Variants in MRPS27 observed in about 807,000 individuals in gnomAD.
The protein encoded by MRPS27 is mitochondrial ribosomal protein S27.
A neutral mutation model predicts 48.9 loss-of-function variants in MRPS27; 43 were observed. The observed-to-expected ratio is 0.88, with a 90% CI of 0.69 to 1.13. MRPS27 has a LOEUF of 1.13. Among genes scored for constraint, MRPS27 ranks in the 50% most tolerant of loss-of-function variants. The pLI is 0.00. For missense variants in MRPS27, 467 were observed against 476.3 expected, an observed-to-expected ratio of 0.98 and a Z score of 0.18; for synonymous variants, 188 against 171.9, an observed-to-expected ratio of 1.09 and a Z score of -0.73.
intron 2 of MRPS27, among the ~76,000 whole-genome samples, chr5:72,301,649 G>A (rs1391301328): frequency 6.6e-6 from 1 of 152,188 alleles, no homozygotes. Flanking sequence ...TGAATCCTTC[G>A]CACCAAGGCA....
At chr5:72,278,392 G>A (rs571485896) in intron 4 of MRPS27, among the ~76,000 whole-genome samples, 3 of 147,096 alleles carry the variant, frequency 2.0e-5, no homozygotes, top group South Asian at 2.2e-4. Context: ...GCAGTGAGCC[G>A]AGATCGCGCC....
chr5:72,241,581 T>C, intron 4 of MRPS27: 3 of 1,428,282 alleles, frequency 2.1e-6, no homozygotes, highest in African/African-American at 2.8e-5. Flanking sequence ...GACAAATAAA[T>C]GTGGGGACTT....
At chr5:72,253,429 A>G (rs1392094233) in intron 4 of MRPS27, among the ~76,000 whole-genome samples, 1 of 152,246 alleles carries the variant, frequency 6.6e-6, no homozygotes, top group Non-Finnish European at 1.5e-5. Context: ...AGAAAATAAA[A>G]CATTCAAATA....
chr5:72,238,036 G>T lies in MRPS27; in HGVS notation c.374C>A (p.Ala125Asp). Residue 125 changes from alanine (A) to aspartate (D), a missense_variant, in exon 5 of 11, where the codon GCC (alanine) becomes GAC (aspartate). By Grantham distance (126) the Ala-to-Asp change is moderately radical (BLOSUM62 -2). Coordinates refer to ENST00000261413, the MANE Select transcript of MRPS27 (RefSeq NM_015084.3). The stretch of plus-strand genomic sequence containing the variant: ...CACCTTATTTACAAGGGTATATAGG[G>T]CTTTGTCTTGTGCATCATATTTTAG... ...QCLKYDAQDK[A>D]LYTLVNKVQY... 2.5e-6 allele frequency: 4 copies of T among 1,612,720 alleles called. No individual in the cohort carries two copies. Among genetic ancestry groups the T allele is most frequent in the Non-Finnish European group, 3.4e-6 (4 of 1,178,980 alleles).
intron 4 of MRPS27, among the ~76,000 whole-genome samples, chr5:72,294,168 T>C (rs1273446492): frequency 1.3e-5 from 2 of 151,980 alleles, no homozygotes; most frequent in Non-Finnish European, 2.9e-5. Flanking sequence ...ACCCAAAAAG[T>C]GGTAGCATCT....
At position 72,223,686 on chromosome 5, in the gene MRPS27, A is replaced by C. The variant is rs1288283288; in HGVS notation, c.1002T>G (p.Phe334Leu). The C allele has an allele frequency of 1.2e-6, 2 of 1,613,896 alleles. No individual in the cohort carries two copies. The highest frequency in any genetic ancestry group is 1.7e-5 in the Admixed American group (1 of 60,002). Residue 334 changes from phenylalanine to leucine, a missense_variant, in exon 10 of 11, where the codon TTT becomes TTG. Phe to Leu is a conservative substitution (Grantham distance 22). Coordinates refer to ENST00000261413, the MANE Select transcript of MRPS27 (RefSeq NM_015084.3). ...QSKLPQYLER[F>L]KALHSKLQAL... is the part of the protein sequence containing the mutation. ...GACACGTTCTGCTATGATTCACCTTAAATCGTTCCAGGTATTGAGGAAGCT... is the reference window on the plus strand; with the variant it reads ...GACACGTTCTGCTATGATTCACCTTCAATCGTTCCAGGTATTGAGGAAGCT...
chr5:72,255,431 A>T (rs2074836398), intron 4 of MRPS27, among the ~76,000 whole-genome samples: 1 of 152,146 alleles, frequency 6.6e-6, no homozygotes, highest in South Asian at 2.1e-4. Flanking sequence ...TAGGGCTAAA[A>T]GCCTATTAAG....
Position 72,223,745 on chromosome 5 carries a change from C to T in MRPS27, c.943G>A (p.Glu315Lys). The T allele has an allele frequency of 6.2e-7, 1 of 1,614,020 alleles. No individual in the cohort carries two copies. The highest frequency in any genetic ancestry group is 8.5e-7 in the Non-Finnish European group (1 of 1,179,938). Reference sequence around the variant, plus strand: ...TCTGTTTCCTCGATGTCTAACTGCTCCACCAGTTTTTCTGACCCCTGGTTG... The same window carrying T: ...TCTGTTTCCTCGATGTCTAACTGCTTCACCAGTTTTTCTGACCCCTGGTTG... ...EDNQGSEKLV[E>K]QLDIEETEQS... The change falls in exon 10 of 11, where the codon GAG becomes AAG. Residue 315 changes from glutamate (E) to lysine (K), a missense_variant. Coordinates refer to ENST00000261413, the MANE Select transcript of MRPS27 (RefSeq NM_015084.3).
intron 4 of MRPS27, 101 bp from the exon 5 acceptor site, chr5:72,238,229 T>C (rs1748256634): frequency 2.8e-6 from 2 of 714,532 alleles, no homozygotes; most frequent in South Asian, 1.8e-5. Context: ...CAGAGTGCAA[T>C]GTGACAGAAA....
At chr5:72,286,215 T>TAC (rs1236616734) in intron 4 of MRPS27, among the ~76,000 whole-genome samples, 4 of 152,114 alleles carry the variant, frequency 2.6e-5, no homozygotes, top group African/African-American at 9.7e-5. Flanking sequence ...TATGTGTGTA[T>TAC]ACACACACAC....
intron 4 of MRPS27, among the ~76,000 whole-genome samples, chr5:72,288,191 G>T (rs1749723764): frequency 6.6e-6 from 1 of 151,858 alleles, no homozygotes; most frequent in Non-Finnish European, 1.5e-5. Flanking sequence ...AGAGTCTGAA[G>T]CAGTGGAGGG....
At chr5:72,263,026 C>A (rs1014672180) in intron 4 of MRPS27, among the ~76,000 whole-genome samples, 1 of 152,084 alleles carries the variant, frequency 6.6e-6, no homozygotes, top group East Asian at 1.9e-4. Context: ...ACTGGGTTAA[C>A]CATACATCCA....
chr5:72,298,639 G>C (rs1037364425), intron 2 of MRPS27, among the ~76,000 whole-genome samples: 1 of 149,864 alleles, frequency 6.7e-6, no homozygotes, highest in African/African-American at 2.4e-5. Flanking sequence ...CCGGGAAGCG[G>C]AGCTTGCAGT....
intron 10 of MRPS27, among the ~76,000 whole-genome samples, chr5:72,221,796 G>C (rs1429572333): frequency 6.6e-6 from 1 of 152,054 alleles, no homozygotes; most frequent in African/African-American, 2.4e-5. Context: ...CACTGCATTG[G>C]GTCTTAGGAA....
chr5:72,263,210 A>C (rs1453720519), intron 4 of MRPS27, among the ~76,000 whole-genome samples: 2 of 152,168 alleles, frequency 1.3e-5, no homozygotes, highest in African/African-American at 2.4e-5. Context: ...TTAGACCATA[A>C]GACCTTTGAG....
At chr5:72,298,720 A>C (rs1422917786) in intron 2 of MRPS27, among the ~76,000 whole-genome samples, 8 of 150,452 alleles carry the variant, frequency 5.3e-5, no homozygotes, top group Non-Finnish European at 1.0e-4. Flanking sequence ...CTCAAAAAAA[A>C]AAACAAAAAA....
intron 4 of MRPS27, among the ~76,000 whole-genome samples, chr5:72,255,606 C>G (rs1748779608): frequency 6.6e-6 from 1 of 152,160 alleles, no homozygotes; most frequent in Admixed American, 6.6e-5. Flanking sequence ...TGAACTCTTA[C>G]ATTATTTTAG....
At chr5:72,281,637 T>C (rs1749535693) in intron 4 of MRPS27, among the ~76,000 whole-genome samples, 1 of 152,068 alleles carries the variant, frequency 6.6e-6, no homozygotes, top group Non-Finnish European at 1.5e-5. Context: ...GGGAAGAGCA[T>C]AGGCAAGATA....
At chr5:72,221,620 T>C (rs1747744023) in intron 10 of MRPS27, among the ~76,000 whole-genome samples, 1 of 152,232 alleles carries the variant, frequency 6.6e-6, no homozygotes, top group Non-Finnish European at 1.5e-5. Context: ...GCAAACAAAA[T>C]GGCAGAGGCA....
Sources: gnomAD v4.1 joint callset for allele counts (sites outside exome capture counted in the v4.1 genomes callset) on GRCh38, gnomAD v4.1.1 for gene constraint, MANE v1.5 for transcripts, NCBI Gene and HGNC (gene_info 2026-07-23, HGNC 2026-07-21) for gene names.